SYCP1: variants seen among roughly 807,000 people sequenced by gnomAD.
SYCP1 encodes the protein synaptonemal complex protein 1.
SYCP1 carries 64 observed loss-of-function variants against 153.1 expected under a neutral mutation model. The observed-to-expected ratio is 0.42, with a 90% CI of 0.34 to 0.51. SYCP1 has a LOEUF of 0.51. Among genes scored for constraint, SYCP1 ranks in the 20% least tolerant of loss-of-function variants. The pLI, the probability that SYCP1 is intolerant of heterozygous loss-of-function variation, is 0.06. For missense variants in SYCP1, 997 were observed against 1,049.0 expected, an observed-to-expected ratio of 0.95 and a Z score of 0.68; for synonymous variants, 384 against 341.8, an observed-to-expected ratio of 1.12 and a Z score of -1.36.
chr1:114,871,261 G>A (rs1056486680), intron 8 of SYCP1, among the ~76,000 whole-genome samples: 1 of 151,078 alleles, frequency 6.6e-6, no homozygotes, highest in Admixed American at 6.6e-5. Flanking sequence ...TCCACCTTCC[G>A]GGATCAAGTG....
At chr1:114,908,620 GTAA>G (rs1377909363) in intron 16 of SYCP1, among the ~76,000 whole-genome samples, 2 of 151,978 alleles carry the variant, frequency 1.3e-5, no homozygotes, top group Non-Finnish European at 2.9e-5. Context: ...CTCTTTCCTT[GTAA>G]TCTCCATTGT....
At chr1:114,881,556 T>C (rs950729230) in intron 12 of SYCP1, among the ~76,000 whole-genome samples, 4 of 85,758 alleles carry the variant, frequency 4.7e-5, no homozygotes, top group African/African-American at 1.5e-4. Flanking sequence ...TGATGGAGTC[T>C]CGCTCTGTTG....
chr1:114,885,271 A>T (rs1570698676), intron 12 of SYCP1, among the ~76,000 whole-genome samples: 1 of 152,042 alleles, frequency 6.6e-6, no homozygotes, highest in South Asian at 2.1e-4. Flanking sequence ...CTACTTTTGG[A>T]TATTTAGGTA....
At chr1:114,988,080 C>CAAAAAAAAAAAAAAAAAAAAAAA (rs34553973) in intron 30 of SYCP1, among the ~76,000 whole-genome samples, 1 of 114,646 alleles carries the variant, frequency 8.7e-6, no homozygotes, top group Non-Finnish European at 1.7e-5. Context: ...TGATAAACGG[C>CAAAAAAAAAAAAAAAAAAAAAAA]AAAAAAAAAA....
At chr1:114,934,184 G>C (rs1669826003) in intron 23 of SYCP1, among the ~76,000 whole-genome samples, 1 of 152,188 alleles carries the variant, frequency 6.6e-6, no homozygotes, top group Admixed American at 6.5e-5. Flanking sequence ...ACCTACAAAG[G>C]GAAGGCCATC....
chr1:114,906,991 G>A (rs964657699), intron 16 of SYCP1, among the ~76,000 whole-genome samples: 18 of 151,990 alleles, frequency 1.2e-4, no homozygotes, highest in Non-Finnish European at 7.4e-5. Flanking sequence ...TGATTGCTTC[G>A]TGTGTTTTGA....
At chr1:114,971,494 CCTCCAGTGTGTAGGGCTGAGATCTTG>C (rs1415398822) in intron 27 of SYCP1, among the ~76,000 whole-genome samples, 1 of 152,104 alleles carries the variant, frequency 6.6e-6, no homozygotes, top group Non-Finnish European at 1.5e-5. Context: ...TATATCCAGA[CCTCCAGTGTGTAGGGCTGAGATCTTG>C]CTCCAGCAGC....
At chr1:114,917,466 C>G (rs1379320402) in intron 20 of SYCP1, among the ~76,000 whole-genome samples, 1 of 152,086 alleles carries the variant, frequency 6.6e-6, no homozygotes, top group African/African-American at 2.4e-5. Flanking sequence ...GCAAATGTCT[C>G]TTAGATATAC....
rs761048469 is a variant in SYCP1, at chr1:114,910,502, G to A, written c.1425+1G>A. The A allele has an allele frequency of 6.5e-7, 1 of 1,527,728 alleles. No homozygotes were observed. The highest frequency in any genetic ancestry group is 8.8e-7 in the Non-Finnish European group (1 of 1,137,578). 94.6% of individuals were successfully genotyped at this position (1,527,728 alleles called of 1,614,324 possible). ...AATTGGTCTTCTCCAAGCCAGAGAG[G>A]TTTGTTTAAGGAAACATTTTTATTT... On this transcript the variant is annotated splice_donor_variant, in intron 17 of 31. Transcript: ENST00000369522. LOFTEE classifies it high-confidence loss of function.
chr1:114,885,543 A>G lies in SYCP1; in HGVS notation c.919A>G (p.Ser307Gly), dbSNP rs1666235049. The G allele has an allele frequency of 3.9e-6, 6 of 1,550,118 alleles. No individual in the cohort carries two copies. The highest frequency in any genetic ancestry group is 5.3e-6 in the Non-Finnish European group (6 of 1,135,346). ...NQLEEKTKLQ[S>G]ENLKQSIEKQ... is the part of the protein sequence containing the mutation. Reference sequence around the variant, plus strand: ...ATAACTTTCTCTTTTAGAATTACAGAGTGAAAACTTAAAACAATCAATTGA... The same window carrying G: ...ATAACTTTCTCTTTTAGAATTACAGGGTGAAAACTTAAAACAATCAATTGA... The change falls in exon 13 of 32, where the codon AGT becomes GGT. Residue 307 changes from serine (S) to glycine (G), a missense_variant. Physicochemically the swap from Ser to Gly is moderately conservative, Grantham distance 56. Transcript: ENST00000369522.
chr1:114,894,730 C>T (rs1666946198), intron 15 of SYCP1, among the ~76,000 whole-genome samples: 2 of 152,040 alleles, frequency 1.3e-5, no homozygotes, highest in Non-Finnish European at 2.9e-5. Context: ...CAAACCTCCA[C>T]AATGATGAAG....
intron 27 of SYCP1, among the ~76,000 whole-genome samples, chr1:114,960,861 G>A (rs946582089): frequency 6.6e-6 from 1 of 152,102 alleles, no homozygotes; most frequent in African/African-American, 2.4e-5. Context: ...GGGTGATACT[G>A]GCTTCATAGA....
intron 27 of SYCP1, among the ~76,000 whole-genome samples, chr1:114,970,103 C>G (rs1248041070): frequency 3.9e-5 from 6 of 152,162 alleles, no homozygotes; most frequent in African/African-American, 1.4e-4. Flanking sequence ...ATCTTGCCAG[C>G]CCCCTGTCCC....
At position 114,994,732 on chromosome 1, in the gene SYCP1, T is replaced by A; in HGVS notation, c.2738T>A (p.Leu913Gln). ...MVSEEETLKT[L>Q]YRNNNPPASH... ...TCAGAAGAAGAGACATTGAAAACAC[T>A]GTATAGGAACAATAATCCACCAGCT... The change falls in exon 31 of 32, where the codon CTG becomes CAG. Residue 913 changes from leucine (L) to glutamine (Q), a missense_variant. Transcript: ENST00000369522. 1 of 1,582,140 alleles carries A rather than the reference T, an allele frequency of 6.3e-7. No individual in the cohort carries two copies. Among genetic ancestry groups the A allele is most frequent in the African/African-American group, 1.4e-5 (1 of 73,080 alleles).
chr1:114,992,771 A>G (rs1674012859), intron 30 of SYCP1, among the ~76,000 whole-genome samples: 1 of 151,614 alleles, frequency 6.6e-6, no homozygotes, highest in Non-Finnish European at 1.5e-5. Flanking sequence ...ATGAAAGAAA[A>G]AAAGATAAAT....
intron 27 of SYCP1, among the ~76,000 whole-genome samples, chr1:114,964,960 G>T (rs967437105): frequency 6.6e-6 from 1 of 152,168 alleles, no homozygotes; most frequent in Non-Finnish European, 1.5e-5. Flanking sequence ...GGGCAGCATG[G>T]CCATTTTCAT....
In SYCP1 at chr1:114,995,266, GT is replaced by G. The variant is rs1263827502; in HGVS notation, c.*252del. The G allele has an allele frequency of 3.6e-5, 10 of 278,718 alleles. No homozygotes were observed. Among genetic ancestry groups the G allele is most frequent in the Non-Finnish European group, 6.5e-5 (10 of 152,824 alleles). 17.3% of individuals were successfully genotyped at this position (278,718 alleles called of 1,614,324 possible). On this transcript the variant is annotated 3_prime_UTR_variant, in exon 32 of 32. Coordinates refer to ENST00000369522, the MANE Select transcript of SYCP1 (RefSeq NM_003176.4). ...ACTTTTTCTTGTATTCATGAAAACT[GT>G]TTTTACTAAGTTTTCAAATTTGTAA...
intron 15 of SYCP1, among the ~76,000 whole-genome samples, chr1:114,888,806 C>G (rs1168632379): frequency 1.3e-5 from 2 of 151,986 alleles, no homozygotes; most frequent in African/African-American, 4.8e-5. Flanking sequence ...CTGCACCCCT[C>G]AACTTGTCAT....
chr1:114,876,150 G>GA lies in SYCP1; in HGVS notation c.727+13dup. The GA allele has an allele frequency of 6.6e-7, 1 of 1,509,344 alleles. No homozygotes were observed. The highest frequency in any genetic ancestry group is 1.8e-4 in the Middle Eastern group (1 of 5,614). 93.5% of individuals were successfully genotyped at this position (1,509,344 alleles called of 1,614,324 possible). On this transcript the variant is annotated intron_variant, in intron 10 of 31. Transcript: ENST00000369522. Reference sequence around the variant, plus strand: ...AATGCATTTTAAGTGTAGGTATAGGGATCTTACTTAATTTTTATATTACTG... The same window carrying GA: ...AATGCATTTTAAGTGTAGGTATAGGGAATCTTACTTAATTTTTATATTACTG...
Sources: gnomAD v4.1 joint callset for allele counts (sites outside exome capture counted in the v4.1 genomes callset) on GRCh38, gnomAD v4.1.1 for gene constraint, MANE v1.5 for transcripts, NCBI Gene and HGNC (gene_info 2026-07-23, HGNC 2026-07-21) for gene names.